C5: variants seen among roughly 807,000 people sequenced by gnomAD.
C5 encodes the protein C3 and PZP-like alpha-2-macroglobulin domain-containing protein 4.
Under a neutral mutation model 218.8 loss-of-function variants are expected in C5, and 140 were observed. The ratio of observed to expected loss-of-function variants is 0.64; its 90% CI spans 0.56 to 0.74. The LOEUF (loss-of-function observed/expected upper bound fraction) is 0.74, where lower values mean the gene tolerates loss of function less well. C5 is among the 30% of genes least tolerant of loss of function. The pLI is 0.00. For synonymous variants in C5, 614 were observed against 682.3 expected, an observed-to-expected ratio of 0.90 and a Z score of 1.56; for missense variants, 1,700 against 1,969.6, an observed-to-expected ratio of 0.86 and a Z score of 2.59.
At chr9:121,034,126 G>T (rs949186044) in intron 5 of C5, among the ~76,000 whole-genome samples, 3 of 152,080 alleles carry the variant, frequency 2.0e-5, no homozygotes, top group Non-Finnish European at 4.4e-5. Context: ...CACCATGTTG[G>T]CCAGGCTGGT....
At chr9:121,046,406 G>A in intron 1 of C5, 23 bp from the exon 2 acceptor site, 2 of 1,516,446 alleles carry the variant, frequency 1.3e-6, no homozygotes, top group African/African-American at 1.4e-5. Flanking sequence ...GAAAAGATAA[G>A]GCTCAATGTC....
Position 120,982,669 on chromosome 9 carries a change from G to C in C5, c.3376C>G (p.Pro1126Ala). The change falls in exon 26 of 41, where the codon CCA becomes GCA. Residue 1126 changes from proline (P) to alanine (A), a missense_variant. Physicochemically the swap from Pro to Ala is conservative, Grantham distance 27 (BLOSUM62 -1). Transcript: ENST00000223642. The part of the protein sequence containing the change: ...GSFKENSQYQ[P>A]IKLQGTLPVE... ...GGTTTCCTTACCTGTAATTTTATTGGTTGATACTGTGAATTTTCCTTGAAA... is the reference window on the plus strand; with the variant it reads ...GGTTTCCTTACCTGTAATTTTATTGCTTGATACTGTGAATTTTCCTTGAAA... 6.2e-7 allele frequency: 1 copy of C among 1,605,620 alleles called. No homozygotes were observed. The highest frequency in any genetic ancestry group is 8.5e-7 in the Non-Finnish European group (1 of 1,173,064).
chr9:121,041,266 A>G (rs2047576855), intron 3 of C5, among the ~76,000 whole-genome samples: 1 of 140,936 alleles, frequency 7.1e-6, no homozygotes, highest in South Asian at 2.4e-4. Flanking sequence ...ATCTTACAGT[A>G]AAGTCCTGAT....
At chr9:120,971,807 C>G (rs2046916533) in intron 31 of C5, 123 bp downstream of exon 31, 3 of 719,530 alleles carry the variant, frequency 4.2e-6, no homozygotes, top group Non-Finnish European at 7.5e-6. Context: ...ATAAGTGAAT[C>G]CCACTTTAGT....
chr9:120,998,022 C>T (rs369465241), intron 20 of C5, among the ~76,000 whole-genome samples: 1 of 152,038 alleles, frequency 6.6e-6, no homozygotes, highest in Non-Finnish European at 1.5e-5. Context: ...AGGCTGATCT[C>T]GAACTCCTGA....
intron 25 of C5, among the ~76,000 whole-genome samples, chr9:120,984,709 T>C (rs982370261): frequency 7.0e-6 from 1 of 143,324 alleles, no homozygotes; most frequent in Non-Finnish European, 1.5e-5. Flanking sequence ...AGGTATAAGC[T>C]CTTACTTTTT....
rs41307990 is a variant in C5, at chr9:121,037,554, A to C, written c.492+327T>G. 5.3e-3 allele frequency among the ~76,000 whole-genome samples: 811 copies of C among 152,114 alleles called. 10 individuals are homozygous for C. Among genetic ancestry groups the C allele is most frequent in the African/African-American group, 0.019 (771 of 41,520 alleles). On this transcript the variant is annotated intron_variant, in intron 4 of 40. Transcript: ENST00000223642. ...TCTCGATCTCCTGACCTCGTGATCC[A>C]CCTGCCTCGGCCTCCCAAAGTGCTG...
At chr9:121,031,509 T>G (rs756721038) in intron 6 of C5, among the ~76,000 whole-genome samples, 35 of 152,120 alleles carry the variant, frequency 2.3e-4, no homozygotes, top group Non-Finnish European at 4.1e-4. Flanking sequence ...CTAGAAAGGA[T>G]CTTTACTAGT....
the C5 span, among the ~76,000 whole-genome samples, chr9:121,057,235 GA>G: frequency 1.3e-5 from 2 of 152,138 alleles, no homozygotes; most frequent in African/African-American, 4.8e-5. Context: ...TTTTCAATCT[GA>G]AAGAAAAGGC....
chr9:121,011,034 G>A (rs926880790), intron 17 of C5, among the ~76,000 whole-genome samples: 1 of 152,126 alleles, frequency 6.6e-6, no homozygotes, highest in African/African-American at 2.4e-5. Flanking sequence ...ACTGCTATAG[G>A]AAAACACTGG....
At chr9:120,965,566 G>A (rs538476368) in intron 33 of C5, among the ~76,000 whole-genome samples, 1 of 148,884 alleles carries the variant, frequency 6.7e-6, no homozygotes, top group African/African-American at 2.4e-5. Context: ...ATAAATAAAA[G>A]CAGTCCCCAT....
the C5 span, among the ~76,000 whole-genome samples, chr9:121,071,756 G>C: frequency 7.2e-5 from 11 of 152,188 alleles, no homozygotes; most frequent in African/African-American, 2.7e-4. Context: ...TGCCATCCCT[G>C]TCTGACAAAC....
At chr9:120,980,726 G>A (rs2046986534) in intron 27 of C5, among the ~76,000 whole-genome samples, 1 of 152,008 alleles carries the variant, frequency 6.6e-6, no homozygotes, top group African/African-American at 2.4e-5. Flanking sequence ...GAGTAGCTGG[G>A]ACTACAGGCG....
rs1389317305 is a variant in C5, at chr9:120,962,761, A to G, written c.4414T>C (p.Phe1472Leu). The G allele has an allele frequency of 6.2e-7, 1 of 1,613,966 alleles. No individual in the cohort carries two copies. The highest frequency in any genetic ancestry group is 1.1e-5 in the South Asian group (1 of 91,076). ...AATATCCGGAATCGTACACAAAGGA[A>G]ATCACTGGAGGGAATCTGTTTAACA... ...LQLNSIPSSD[F>L]LCVRFRIFEL... Residue 1472 changes from phenylalanine to leucine, a missense_variant, in exon 36 of 41, where the codon TTC (phenylalanine) becomes CTC (leucine). By Grantham distance (22) the Phe-to-Leu change is conservative. Transcript: ENST00000223642.
At position 121,033,902 on chromosome 9, in the gene C5, T is replaced by TTTCC. The variant is rs41308014; in HGVS notation, c.584+897_584+900dup. ...CCTTCCTCCCTCCCCTCCCTCTTTC[T>TTTCC]TTCCTTCCTTCCTTCCTTCCTTCTT... On this transcript the variant is annotated intron_variant, in intron 5 of 40. Transcript: ENST00000223642. 5.4e-4 allele frequency among the ~76,000 whole-genome samples: 81 copies of TTTCC among 149,156 alleles called. 1 individual carries two copies. The highest frequency in any genetic ancestry group is 3.6e-3 in the East Asian group (18 of 5,034).
At chr9:120,966,025 G>C (rs2046864851) in intron 33 of C5, among the ~76,000 whole-genome samples, 1 of 152,184 alleles carries the variant, frequency 6.6e-6, no homozygotes, top group Non-Finnish European at 1.5e-5. Flanking sequence ...ATACACGAAA[G>C]AGACCCTCTG....
At chr9:120,998,196 T>C (rs2047133670) in intron 20 of C5, among the ~76,000 whole-genome samples, 1 of 152,198 alleles carries the variant, frequency 6.6e-6, no homozygotes, top group African/African-American at 2.4e-5. Flanking sequence ...AATAATCCCT[T>C]AGATTCTAAG....
At chr9:120,974,980 C>T (rs2046942736) in intron 29 of C5, 49 bp from the exon 30 acceptor site, 1 of 1,602,956 alleles carries the variant, frequency 6.2e-7, no homozygotes, top group Non-Finnish European at 8.5e-7. Context: ...TATTTATGTA[C>T]TCCCTATTTA....
chr9:121,015,021 T>C (rs1165186863), intron 16 of C5, among the ~76,000 whole-genome samples, 178 bp downstream of exon 16: 2 of 152,192 alleles, frequency 1.3e-5, no homozygotes, highest in Non-Finnish European at 2.9e-5. Flanking sequence ...CTATGGCAAA[T>C]GAACTACTAG....
Sources: gnomAD v4.1 joint callset for allele counts (sites outside exome capture counted in the v4.1 genomes callset) on GRCh38, gnomAD v4.1.1 for gene constraint, MANE v1.5 for transcripts, NCBI Gene and HGNC (gene_info 2026-07-23, HGNC 2026-07-21) for gene names.